Variants in EXOC6B observed in about 807,000 individuals in gnomAD.
The protein encoded by EXOC6B is exocyst complex component 6B, also known as SEC15 homolog B.
Under a neutral mutation model 113.5 loss-of-function variants are expected in EXOC6B, and 54 were observed. The ratio of observed to expected loss-of-function variants is 0.48; its 90% CI spans 0.38 to 0.60. EXOC6B has a LOEUF of 0.60. Among genes scored for constraint, EXOC6B ranks in the 20% least tolerant of loss-of-function variants. EXOC6B has a pLI of 0.00. For synonymous variants in EXOC6B, 357 were observed against 339.0 expected (o/e 1.05, Z -0.58); for missense variants, 797 against 977.5 (o/e 0.82, Z 2.46).
intron 1 of EXOC6B, among the ~76,000 whole-genome samples, chr2:72,806,448 T>C (rs183869271): frequency 3.7e-4 from 56 of 152,324 alleles, no homozygotes; most frequent in Non-Finnish European, 5.6e-4. Context: ...AAAGACCAAG[T>C]TGATTCTATG....
At chr2:72,680,115 G>GA (rs568049082) in intron 6 of EXOC6B, among the ~76,000 whole-genome samples, 2 of 152,136 alleles carry the variant, frequency 1.3e-5, no homozygotes, top group South Asian at 4.2e-4. Flanking sequence ...AGCAAATATG[G>GA]AAAAAATGCT....
In EXOC6B at chr2:72,422,077, G is replaced by A. The variant is rs113779590; in HGVS notation, c.1981-42207C>T. 5.3e-5 allele frequency among the ~76,000 whole-genome samples: 8 copies of A among 152,318 alleles called. 1 individual carries two copies. The highest frequency in any genetic ancestry group is 1.9e-4 in the African/African-American group (8 of 41,578). On this transcript the variant is annotated intron_variant, in intron 18 of 21. Coordinates refer to ENST00000272427, the MANE Select transcript of EXOC6B (RefSeq NM_015189.3). Reference sequence around the variant, plus strand: ...GCTGCCTTCCCGCGGGGCAGGGCTCGGGACCTGCAGCCCGCCATGCCTGAG... The same window carrying A: ...GCTGCCTTCCCGCGGGGCAGGGCTCAGGACCTGCAGCCCGCCATGCCTGAG...
chr2:72,551,418 G>A (rs916967644), intron 8 of EXOC6B, among the ~76,000 whole-genome samples: 4 of 151,986 alleles, frequency 2.6e-5, no homozygotes, highest in African/African-American at 7.2e-5. Flanking sequence ...GGATGGTCTC[G>A]ATCTCTTGAC....
chr2:72,782,148 A>AT (rs1221983462), intron 1 of EXOC6B, among the ~76,000 whole-genome samples: 7 of 151,626 alleles, frequency 4.6e-5, no homozygotes, highest in Non-Finnish European at 4.4e-5. Flanking sequence ...TCAAAAAAAA[A>AT]AAAAAAAGAA....
At chr2:72,596,074 T>C (rs1454236506) in intron 6 of EXOC6B, among the ~76,000 whole-genome samples, 1 of 152,148 alleles carries the variant, frequency 6.6e-6, no homozygotes, top group Non-Finnish European at 1.5e-5. Context: ...AGAGGTCTGG[T>C]GAGACAGCCC....
intron 6 of EXOC6B, among the ~76,000 whole-genome samples, chr2:72,714,489 G>A (rs554138769): frequency 6.6e-6 from 1 of 152,238 alleles, no homozygotes; most frequent in East Asian, 1.9e-4. Flanking sequence ...GCATAAAAAC[G>A]ATAAGCTCAG....
At chr2:72,634,387 T>C (rs1672686075) in intron 6 of EXOC6B, among the ~76,000 whole-genome samples, 1 of 152,196 alleles carries the variant, frequency 6.6e-6, no homozygotes, top group African/African-American at 2.4e-5. Context: ...AGCCCCATCA[T>C]TACCCCACCA....
chr2:72,718,374 T>C (rs1679775256), intron 5 of EXOC6B, 67 bp from the exon 6 acceptor site: 2 of 1,372,254 alleles, frequency 1.5e-6, no homozygotes, highest in Non-Finnish European at 1.0e-6. Context: ...ATGTCTAGCC[T>C]GAATTGGTTT....
intron 19 of EXOC6B, among the ~76,000 whole-genome samples, chr2:72,335,907 G>A (rs1688667672): frequency 6.6e-6 from 1 of 152,018 alleles, no homozygotes; most frequent in Admixed American, 6.6e-5. Context: ...TCGTTAACAA[G>A]AAGATGGCTG....
At chr2:72,625,877 T>G (rs1235101625) in intron 6 of EXOC6B, among the ~76,000 whole-genome samples, 1 of 152,212 alleles carries the variant, frequency 6.6e-6, no homozygotes, top group East Asian at 1.9e-4. Flanking sequence ...GGTTTTCAAC[T>G]GAATTTACTG....
chr2:72,807,826 A>G (rs1430568194), intron 1 of EXOC6B, among the ~76,000 whole-genome samples: 4 of 146,774 alleles, frequency 2.7e-5, no homozygotes, highest in Non-Finnish European at 5.9e-5. Flanking sequence ...GAGGAGAAGT[A>G]GGGATAGTTA....
At chr2:72,563,205 G>A (rs1703985950) in intron 7 of EXOC6B, among the ~76,000 whole-genome samples, 1 of 152,058 alleles carries the variant, frequency 6.6e-6, no homozygotes, top group Non-Finnish European at 1.5e-5. Context: ...GTATCCAGAG[G>A]TAGATATAAT....
At chr2:72,488,950 A>AT (rs2105526613) in intron 16 of EXOC6B, among the ~76,000 whole-genome samples, 1 of 152,194 alleles carries the variant, frequency 6.6e-6, no homozygotes, top group South Asian at 2.1e-4. Context: ...TCTCTAAACT[A>AT]ACCAGTTGCT....
chr2:72,401,639 A>ATG (rs1693309064), intron 18 of EXOC6B, among the ~76,000 whole-genome samples: 1 of 49,302 alleles, frequency 2.0e-5, no homozygotes, highest in East Asian at 3.8e-4. Context: ...ATATATATAC[A>ATG]TATATACATA....
intron 8 of EXOC6B, among the ~76,000 whole-genome samples, chr2:72,540,165 T>C (rs952007625): frequency 2.0e-5 from 3 of 152,040 alleles, no homozygotes; most frequent in African/African-American, 7.2e-5. Flanking sequence ...ATGGTGTATA[T>C]GTGCCAACTT....
chr2:72,421,249 T>C (rs530253078), intron 18 of EXOC6B, among the ~76,000 whole-genome samples: 32 of 152,288 alleles, frequency 2.1e-4, no homozygotes, highest in Middle Eastern at 3.4e-3. Context: ...TATACTAAAT[T>C]CCCAAATAGC....
intron 20 of EXOC6B, among the ~76,000 whole-genome samples, chr2:72,296,993 A>G (rs953182476): frequency 6.6e-6 from 1 of 152,210 alleles, no homozygotes; most frequent in African/African-American, 2.4e-5. Flanking sequence ...TTGAAAAAGT[A>G]AGTAATATGT....
intron 20 of EXOC6B, among the ~76,000 whole-genome samples, chr2:72,280,053 T>C (rs966777313): frequency 7.2e-5 from 11 of 152,192 alleles, no homozygotes; most frequent in African/African-American, 2.2e-4. Context: ...TTCTTAAAAA[T>C]ACATTTTTCA....
intron 7 of EXOC6B, among the ~76,000 whole-genome samples, chr2:72,561,385 T>C (rs1375098783): frequency 2.0e-5 from 3 of 152,180 alleles, no homozygotes; most frequent in Admixed American, 2.0e-4. Flanking sequence ...AATTCTTTGT[T>C]ACATATTTAC....
Sources: gnomAD v4.1 joint callset for allele counts (sites outside exome capture counted in the v4.1 genomes callset) on GRCh38, gnomAD v4.1.1 for gene constraint, MANE v1.5 for transcripts, NCBI Gene and HGNC (gene_info 2026-07-23, HGNC 2026-07-21) for gene names.